CDH13: variants seen among roughly 807,000 people sequenced by gnomAD.
CDH13 encodes the protein cadherin 13.
CDH13 carries 24 observed loss-of-function variants against 63.8 expected under a neutral mutation model. The observed-to-expected ratio is 0.38, with a 90% CI of 0.27 to 0.53. The LOEUF is 0.53. Ranked by LOEUF, CDH13 falls within the 20% of genes least tolerant of loss-of-function variation. The pLI, the probability that CDH13 is intolerant of heterozygous loss-of-function variation, is 0.85. For missense variants in CDH13, 1,049 were observed against 903.1 expected, an observed-to-expected ratio of 1.16 and a Z score of -2.07; for synonymous variants, 503 against 355.3, an observed-to-expected ratio of 1.42 and a Z score of -4.67.
chr16:82,691,701 T>A (rs1915663053), intron 1 of CDH13, among the ~76,000 whole-genome samples: 1 of 152,158 alleles, frequency 6.6e-6, no homozygotes, highest in African/African-American at 2.4e-5. Flanking sequence ...GTGATAACCT[T>A]TCCTCGGGCT....
intron 3 of CDH13, among the ~76,000 whole-genome samples, chr16:83,032,904 C>T (rs530348674): frequency 7.9e-5 from 12 of 152,106 alleles, no homozygotes; most frequent in Non-Finnish European, 1.0e-4. Context: ...GAAAAGGTGA[C>T]CCACTAGAAT....
rs1555522986 is a variant in CDH13, at chr16:83,271,422, T to TTAAAAAAAAAAAAAAAAAAAAA, written c.636+53925_636+53926insTAAAAAAAAAAAAAAAAAAAAA. Among the ~76,000 whole-genome samples, 34 of 26,032 alleles carry TTAAAAAAAAAAAAAAAAAAAAA rather than the reference T, an allele frequency of 1.3e-3. 6 individuals are homozygous for TTAAAAAAAAAAAAAAAAAAAAA. The highest frequency in any genetic ancestry group is 1.2e-3 in the Non-Finnish European group (17 of 14,146). 17.1% of individuals were successfully genotyped at this position (26,032 alleles called of 152,430 possible). A position where few individuals can be genotyped will look rare whatever the true frequency, so the allele number is the denominator to read the frequency against. On this transcript the variant is annotated intron_variant, in intron 5 of 13. Transcript: ENST00000567109. Reference sequence around the variant, plus strand: ...CTACCGCACATTGAGGCAGAGTTCATAAAAAAAAAAAAAAAAAAAAAAAAA... The same window carrying TTAAAAAAAAAAAAAAAAAAAAA: ...CTACCGCACATTGAGGCAGAGTTCATTAAAAAAAAAAAAAAAAAAAAAAAAAAAAAAAAAAAAAAAAAAAAAA...
intron 8 of CDH13, chr16:83,655,205 A>G (rs753163517): frequency 6.6e-6 from 1 of 152,160 alleles, no homozygotes; most frequent in Non-Finnish European, 1.5e-5. Context: ...TGTCTGTCTG[A>G]TCCTTCCAGC....
At chr16:82,929,223 A>T (rs919437896) in intron 2 of CDH13, among the ~76,000 whole-genome samples, 2 of 152,136 alleles carry the variant, frequency 1.3e-5, no homozygotes, top group Non-Finnish European at 2.9e-5. Flanking sequence ...CTAGCTTCCA[A>T]TGTGATGGTG....
chr16:82,791,110 G>T (rs2036275681), intron 1 of CDH13, among the ~76,000 whole-genome samples: 1 of 152,148 alleles, frequency 6.6e-6, no homozygotes, highest in Non-Finnish European at 1.5e-5. Context: ...GGTGGCAGGT[G>T]CCTGCAGTTC....
intron 6 of CDH13, among the ~76,000 whole-genome samples, chr16:83,434,753 G>C (rs1453565688): frequency 6.6e-6 from 1 of 150,680 alleles, no homozygotes; most frequent in African/African-American, 2.4e-5. Context: ...TTCCTCTGCT[G>C]TCGCCCTAAC....
intron 2 of CDH13, among the ~76,000 whole-genome samples, chr16:82,873,095 T>C (rs1462860787): frequency 6.6e-6 from 1 of 152,130 alleles, no homozygotes; most frequent in East Asian, 1.9e-4. Flanking sequence ...AAAGAAGATT[T>C]TTCTAAGAAG....
At chr16:83,057,477 CAT>C (rs1288909271) in intron 3 of CDH13, among the ~76,000 whole-genome samples, 1 of 151,894 alleles carries the variant, frequency 6.6e-6, no homozygotes, top group Admixed American at 6.6e-5. Flanking sequence ...ATGAATGATA[CAT>C]GTTATGCTTT....
intron 2 of CDH13, among the ~76,000 whole-genome samples, chr16:82,917,864 G>C (rs1409615223): frequency 7.0e-6 from 1 of 142,606 alleles, no homozygotes; most frequent in African/African-American, 2.7e-5. Context: ...GCAGTGAGCC[G>C]AGATCTCACT....
At chr16:83,058,207 AG>A (rs777523918) in intron 3 of CDH13, among the ~76,000 whole-genome samples, 59 of 152,080 alleles carry the variant, frequency 3.9e-4, no homozygotes, top group Non-Finnish European at 6.0e-4. Flanking sequence ...CTCCTTTGTG[AG>A]GGGAGATGGC....
At chr16:82,747,975 T>C (rs1444772552) in intron 1 of CDH13, among the ~76,000 whole-genome samples, 1 of 152,234 alleles carries the variant, frequency 6.6e-6, no homozygotes, top group African/African-American at 2.4e-5. Flanking sequence ...CTGGAAAAGC[T>C]TGGGCTCAAC....
chr16:82,736,771 C>G (rs118005336), intron 1 of CDH13, among the ~76,000 whole-genome samples: 5,184 of 152,288 alleles, frequency 0.034, 117 homozygotes, highest in Middle Eastern at 0.061. Flanking sequence ...CCCTTTCACT[C>G]CTTCGGGCAA....
At chr16:82,845,240 T>G (rs2039208718) in intron 1 of CDH13, among the ~76,000 whole-genome samples, 1 of 152,192 alleles carries the variant, frequency 6.6e-6, no homozygotes, top group African/African-American at 2.4e-5. Flanking sequence ...CAGACGTGTC[T>G]GTCTGCAAGA....
Position 82,910,358 on chromosome 16 carries a change from T to G in CDH13, c.157+51885T>G, listed in dbSNP as rs530078580. 2.0e-5 allele frequency among the ~76,000 whole-genome samples: 3 copies of G among 152,352 alleles called. No homozygotes were observed. In the East Asian group the frequency reaches 5.8e-4, roughly 29 times the overall value. ...ACATTTCTCCAGTAATGAATGTCTA[T>G]TGAAAAGTTAAAACATTAAATTGCT... On this transcript the variant is annotated intron_variant, in intron 2 of 13. Transcript: ENST00000567109.
At chr16:83,545,078 A>G (rs2075361677) in intron 7 of CDH13, among the ~76,000 whole-genome samples, 1 of 152,212 alleles carries the variant, frequency 6.6e-6, no homozygotes, top group Non-Finnish European at 1.5e-5. Context: ...GGGAGTACTT[A>G]AAAATAACTC....
intron 1 of CDH13, among the ~76,000 whole-genome samples, chr16:82,706,363 G>C (rs118171063): frequency 0.013 from 1,920 of 152,274 alleles, 15 homozygotes; most frequent in Non-Finnish European, 0.02. Flanking sequence ...AAGTGATAGG[G>C]AATGGCTTTG....
rs143665000 is a variant in CDH13, at chr16:83,364,513, C to G, written c.781+19507C>G. 2.5e-3 allele frequency among the ~76,000 whole-genome samples: 376 copies of G among 152,302 alleles called. 1 individual carries two copies. The highest frequency in any genetic ancestry group is 8.4e-3 in the African/African-American group (350 of 41,558). ...GTCTCACAACTTCCCTTCACATCTTCTCTAAGACCATGTGAACCTGTCTAT... is the reference window on the plus strand; with the variant it reads ...GTCTCACAACTTCCCTTCACATCTTGTCTAAGACCATGTGAACCTGTCTAT... On this transcript the variant is annotated intron_variant, in intron 6 of 13. Coordinates refer to ENST00000567109, the MANE Select transcript of CDH13 (RefSeq NM_001257.5).
chr16:83,376,436 A>G (rs2091460724), intron 6 of CDH13, among the ~76,000 whole-genome samples: 1 of 152,234 alleles, frequency 6.6e-6, no homozygotes, highest in Non-Finnish European at 1.5e-5. Flanking sequence ...TATCAAGAGC[A>G]AGGAGAACAG....
intron 1 of CDH13, among the ~76,000 whole-genome samples, chr16:82,738,465 C>T (rs1567483882): frequency 6.6e-6 from 1 of 152,212 alleles, no homozygotes; most frequent in Non-Finnish European, 1.5e-5. Context: ...CAAATCTGTG[C>T]TTTTAGCACA....
Sources: gnomAD v4.1 joint callset for allele counts (sites outside exome capture counted in the v4.1 genomes callset) on GRCh38, gnomAD v4.1.1 for gene constraint, MANE v1.5 for transcripts, NCBI Gene and HGNC (gene_info 2026-07-23, HGNC 2026-07-21) for gene names.